The following EEFSEC variants were observed in gnomAD, a reference collection of about 807,000 sequenced individuals.
EEFSEC encodes the protein eukaryotic elongation factor, selenocysteine-tRNA specific, also known as selenocysteine-specific elongation factor.
In EEFSEC, 43 loss-of-function variants were observed where a neutral mutation model predicts 42.1. The observed-to-expected ratio is 1.02, with a 90% confidence interval of 0.80 to 1.32. EEFSEC has a LOEUF of 1.32. Ranked by LOEUF, EEFSEC falls within the 40% of genes most tolerant of loss-of-function variation. The probability of loss-of-function intolerance (pLI) is 0.00; values close to 1 mark genes in which losing one functional copy is unlikely to be tolerated. For synonymous variants in EEFSEC, 354 were observed against 339.1 expected (o/e 1.04, Z -0.48); for missense variants, 745 against 803.6 (o/e 0.93, Z 0.88).
At chr3:128,387,716 C>CCCCT (rs1205866064) in intron 6 of EEFSEC, among the ~76,000 whole-genome samples, 7 of 152,262 alleles carry the variant, frequency 4.6e-5, no homozygotes, top group African/African-American at 1.7e-4. Context: ...ACCACCAAGA[C>CCCCT]CCCTCCCTAC....
intron 1 of EEFSEC, among the ~76,000 whole-genome samples, chr3:128,202,381 A>G (rs1201181960): frequency 6.6e-6 from 1 of 152,172 alleles, no homozygotes; most frequent in Non-Finnish European, 1.5e-5. Flanking sequence ...GGTCTTGTAC[A>G]TATGTTGTTA....
At chr3:128,338,262 G>C (rs191875372) in intron 4 of EEFSEC, among the ~76,000 whole-genome samples, 1 of 152,312 alleles carries the variant, frequency 6.6e-6, no homozygotes, top group Non-Finnish European at 1.5e-5. Context: ...AGGGAATGCT[G>C]TGCGCCAAAT....
intron 4 of EEFSEC, among the ~76,000 whole-genome samples, chr3:128,294,517 C>G (rs1576615149): frequency 6.6e-6 from 1 of 152,194 alleles, no homozygotes; most frequent in South Asian, 2.1e-4. Context: ...TGCCAAGTGC[C>G]CCCTCTGGAC....
intron 4 of EEFSEC, among the ~76,000 whole-genome samples, chr3:128,306,264 T>A (rs369909242): frequency 6.6e-6 from 1 of 152,240 alleles, no homozygotes; most frequent in Non-Finnish European, 1.5e-5. Context: ...ACCCCCCACC[T>A]TATAATATAG....
At chr3:128,423,368 C>G in the EEFSEC span, among the ~76,000 whole-genome samples, 3 of 152,236 alleles carry the variant, frequency 2.0e-5, no homozygotes, top group Admixed American at 2.0e-4. Context: ...AATCCTAGCA[C>G]TATGGGAGGC....
intron 4 of EEFSEC, among the ~76,000 whole-genome samples, chr3:128,265,068 A>G (rs973380020): frequency 6.6e-6 from 1 of 152,000 alleles, no homozygotes; most frequent in Non-Finnish European, 1.5e-5. Context: ...GTAGATAAAG[A>G]AACTGAGGCT....
chr3:128,387,383 G>C (rs1198703305), intron 6 of EEFSEC, among the ~76,000 whole-genome samples: 17 of 152,178 alleles, frequency 1.1e-4, no homozygotes, highest in Non-Finnish European at 1.3e-4. Flanking sequence ...CTTCTTCAAA[G>C]TTCAGAAATG....
chr3:128,406,678 T>G (rs1476092713), intron 6 of EEFSEC, among the ~76,000 whole-genome samples: 1 of 151,946 alleles, frequency 6.6e-6, no homozygotes, highest in African/African-American at 2.4e-5. Flanking sequence ...CTAGGCATGG[T>G]GGCACGAGCC....
chr3:128,165,903 G>A (rs889023608), intron 1 of EEFSEC, among the ~76,000 whole-genome samples: 1 of 152,224 alleles, frequency 6.6e-6, no homozygotes, highest in African/African-American at 2.4e-5. Flanking sequence ...CTAGAGCTCA[G>A]TCTTCCCAGA....
intron 4 of EEFSEC, among the ~76,000 whole-genome samples, chr3:128,334,926 A>G (rs894797645): frequency 6.6e-6 from 1 of 152,008 alleles, no homozygotes; most frequent in Non-Finnish European, 1.5e-5. Context: ...CTCACTGCGT[A>G]CCCCGCCTGG....
At chr3:128,330,051 C>T (rs1055141014) in intron 4 of EEFSEC, among the ~76,000 whole-genome samples, 1 of 152,152 alleles carries the variant, frequency 6.6e-6, no homozygotes, top group Non-Finnish European at 1.5e-5. Context: ...CCCTAAAAAG[C>T]CCAGGGATGT....
In EEFSEC at chr3:128,341,358, T is replaced by C; in HGVS notation, c.912T>C (p.Cys304=). The C allele has an allele frequency of 4.3e-6, 7 of 1,614,124 alleles. No homozygotes were observed. Among genetic ancestry groups the C allele is most frequent in the Non-Finnish European group, 5.9e-6 (7 of 1,180,012 alleles). ...AGCTGCTGGAGCGCGGGTTGGTGTG[T>C]GCCCCCGAGTCCCTGCACACTGTCC... ...DPKLLERGLV[C]APESLHTVHA... Residue 304 remains cysteine, a synonymous_variant, in exon 5 of 7, where the codon TGT becomes TGC. Coordinates refer to ENST00000254730, the MANE Select transcript of EEFSEC (RefSeq NM_021937.5).
chr3:128,280,117 A>G (rs543907711), intron 4 of EEFSEC, among the ~76,000 whole-genome samples: 6 of 152,318 alleles, frequency 3.9e-5, no homozygotes, highest in Non-Finnish European at 5.9e-5. Flanking sequence ...CCAAATCTCA[A>G]TATGTATGAT....
chr3:128,281,174 T>C (rs978831574), intron 4 of EEFSEC, among the ~76,000 whole-genome samples: 1 of 152,172 alleles, frequency 6.6e-6, no homozygotes, highest in African/African-American at 2.4e-5. Context: ...TCCAGAGAAG[T>C]TAAGTCACAT....
chr3:128,376,972 C>T (rs1280097625), intron 6 of EEFSEC, among the ~76,000 whole-genome samples: 1 of 152,220 alleles, frequency 6.6e-6, no homozygotes, highest in African/African-American at 2.4e-5. Flanking sequence ...CACAATCTCT[C>T]ACTCAGGGGT....
intron 6 of EEFSEC, among the ~76,000 whole-genome samples, chr3:128,382,498 CAG>C (rs760306311): frequency 1.7e-4 from 26 of 152,262 alleles, no homozygotes; most frequent in South Asian, 6.2e-4. Context: ...GTGTTTTTGA[CAG>C]GGGGGAGGTG....
At chr3:128,321,721 A>G (rs2067009945) in intron 4 of EEFSEC, among the ~76,000 whole-genome samples, 1 of 152,190 alleles carries the variant, frequency 6.6e-6, no homozygotes, top group African/African-American at 2.4e-5. Context: ...CAGTAAGATA[A>G]GGTGCCAGCA....
At chr3:128,209,386 A>G (rs1015019887) in intron 1 of EEFSEC, among the ~76,000 whole-genome samples, 9 of 152,078 alleles carry the variant, frequency 5.9e-5, no homozygotes, top group African/African-American at 2.2e-4. Flanking sequence ...TGTGTGTCTG[A>G]GTAGAGGGGG....
chr3:128,179,267 G>T (rs1398218279), intron 1 of EEFSEC, among the ~76,000 whole-genome samples: 1 of 152,160 alleles, frequency 6.6e-6, no homozygotes, highest in Non-Finnish European at 1.5e-5. Context: ...GGCTGCATAG[G>T]GGAGGAAGGG....
Sources: allele counts gnomAD v4.1 joint callset (sites outside exome capture counted in the v4.1 genomes callset), GRCh38; gene constraint gnomAD v4.1.1; transcripts MANE v1.5; gene names NCBI Gene and HGNC (gene_info 2026-07-23, HGNC 2026-07-21).